MGAT4C: variants seen among roughly 807,000 people sequenced by gnomAD.
The protein encoded by MGAT4C is MGAT4 family member C, also known as alpha-1,3-mannosyl-glycoprotein 4-beta-N-acetylglucosaminyltransferase C.
Under a neutral mutation model 40.1 loss-of-function variants are expected in MGAT4C, and 19 were observed. That is an observed-to-expected ratio of 0.47 (90% CI 0.33 to 0.70). MGAT4C has a LOEUF of 0.70. Ranked by LOEUF, MGAT4C falls within the 30% of genes least tolerant of loss-of-function variation. The pLI, the probability that MGAT4C is intolerant of heterozygous loss-of-function variation, is 0.02. For synonymous variants in MGAT4C, 181 were observed against 187.1 expected (o/e 0.97, Z 0.27); for missense variants, 491 against 563.2 (o/e 0.87, Z 1.30).
In MGAT4C at chr12:85,960,148, A is replaced by G. The variant is rs1883033941; in HGVS notation, c.*19141T>C. 1 of 152,052 alleles carries G rather than the reference A, an allele frequency of 6.6e-6. No homozygotes were observed. Among genetic ancestry groups the G allele is most frequent in the South Asian group, 2.1e-4 (1 of 4,828 alleles). The allele number at this position is 152,052 out of a possible 1,614,324, so 9.4% of individuals were successfully genotyped here. ...TCTATGGTGCCCACATTGTGTCACC[A>G]GCCAGCCGTATGCAGACTTACAAAG... On this transcript the variant is annotated 3_prime_UTR_variant, in exon 5 of 5. Coordinates refer to ENST00000611864, the MANE Select transcript of MGAT4C (RefSeq NM_001351288.2).
intron 1 of MGAT4C, among the ~76,000 whole-genome samples, chr12:86,165,578 A>T (rs951540977): frequency 6.6e-6 from 1 of 152,116 alleles, no homozygotes; most frequent in African/African-American, 2.4e-5. Flanking sequence ...TTCTTTCTTC[A>T]TTATTCTCAA....
At chr12:86,482,697 C>T (rs544437907) in intron 2 of MGAT4C, among the ~76,000 whole-genome samples, 10 of 152,110 alleles carry the variant, frequency 6.6e-5, no homozygotes, top group Middle Eastern at 3.5e-3. Context: ...TTTTCTCTAA[C>T]GTATAAAGTC....
chr12:85,994,617 C>A (rs1160499308), intron 2 of MGAT4C, among the ~76,000 whole-genome samples: 3 of 151,648 alleles, frequency 2.0e-5, no homozygotes, highest in Non-Finnish European at 4.4e-5. Flanking sequence ...AAAAAAATCC[C>A]CCCCCAGCCG....
intron 1 of MGAT4C, among the ~76,000 whole-genome samples, chr12:86,782,076 T>TCCGCTTC (rs1951851682): frequency 6.6e-6 from 1 of 151,664 alleles, no homozygotes; most frequent in Non-Finnish European, 1.5e-5. Flanking sequence ...TACTGCAAGC[T>TCCGCTTC]CCGCTTCCCG....
intron 2 of MGAT4C, among the ~76,000 whole-genome samples, chr12:86,689,835 A>T (rs1267944346): frequency 6.6e-6 from 1 of 152,188 alleles, no homozygotes; most frequent in Non-Finnish European, 1.5e-5. Context: ...AGCAGAGCTC[A>T]ACCACTGTGC....
intron 2 of MGAT4C, among the ~76,000 whole-genome samples, chr12:86,605,397 C>T (rs1258603816): frequency 6.6e-6 from 1 of 151,950 alleles, no homozygotes; most frequent in African/African-American, 2.4e-5. Context: ...GATGAGTAAA[C>T]ATGACCACTG....
intron 3 of MGAT4C, among the ~76,000 whole-genome samples, chr12:86,357,033 T>C (rs1282982987): frequency 2.0e-5 from 3 of 152,138 alleles, no homozygotes; most frequent in East Asian, 3.9e-4. Context: ...CTCAAGTGTG[T>C]CCCTGACCCC....
intron 2 of MGAT4C, among the ~76,000 whole-genome samples, chr12:86,448,245 G>A (rs945628573): frequency 6.6e-6 from 1 of 152,046 alleles, no homozygotes; most frequent in Non-Finnish European, 1.5e-5. Context: ...ACTTTTTATT[G>A]GAATCCTTTC....
chr12:86,342,292 C>A (rs915396024), intron 3 of MGAT4C, among the ~76,000 whole-genome samples: 1 of 152,110 alleles, frequency 6.6e-6, no homozygotes, highest in Non-Finnish European at 1.5e-5. Flanking sequence ...CAGAGTATAA[C>A]GTAGGTGCTT....
chr12:86,640,682 T>C (rs1963354758), intron 2 of MGAT4C, among the ~76,000 whole-genome samples: 1 of 152,036 alleles, frequency 6.6e-6, no homozygotes, highest in East Asian at 1.9e-4. Context: ...CTAGTTCTTT[T>C]AATTGTGATG....
At chr12:86,819,765 G>T (rs1265519167) in intron 1 of MGAT4C, among the ~76,000 whole-genome samples, 1 of 150,576 alleles carries the variant, frequency 6.6e-6, no homozygotes, top group Non-Finnish European at 1.5e-5. Flanking sequence ...TCAACAGTTT[G>T]CTCTAAATCA....
At chr12:86,662,054 C>T (rs991168003) in intron 2 of MGAT4C, among the ~76,000 whole-genome samples, 1 of 152,184 alleles carries the variant, frequency 6.6e-6, no homozygotes, top group African/African-American at 2.4e-5. Flanking sequence ...CCTAATTACA[C>T]TGAAGAATGG....
chr12:86,524,745 C>T (rs1958851747), intron 2 of MGAT4C, among the ~76,000 whole-genome samples: 1 of 152,122 alleles, frequency 6.6e-6, no homozygotes. Context: ...TTCCACATTT[C>T]CCAGAAGTTT....
intron 2 of MGAT4C, among the ~76,000 whole-genome samples, chr12:86,488,702 A>T (rs573045510): frequency 6.6e-6 from 1 of 152,320 alleles, no homozygotes; most frequent in South Asian, 2.1e-4. Context: ...TATTCTTCAC[A>T]ACATTGCACC....
At chr12:86,278,625 TAA>T (rs1953135856) in intron 4 of MGAT4C, among the ~76,000 whole-genome samples, 1 of 152,214 alleles carries the variant, frequency 6.6e-6, no homozygotes, top group African/African-American at 2.4e-5. Flanking sequence ...TTCCAAGATA[TAA>T]GAGCATATCA....
chr12:86,590,114 A>G (rs1961261081), intron 2 of MGAT4C, among the ~76,000 whole-genome samples: 1 of 151,896 alleles, frequency 6.6e-6, no homozygotes, highest in Admixed American at 6.6e-5. Context: ...AAAACAAAAC[A>G]AAACAAAACA....
intron 3 of MGAT4C, among the ~76,000 whole-genome samples, chr12:86,357,874 G>C (rs1446899589): frequency 6.6e-6 from 1 of 152,148 alleles, no homozygotes; most frequent in Non-Finnish European, 1.5e-5. Flanking sequence ...GAAAGTGATG[G>C]GGAGAATGGA....
chr12:86,591,036 A>C (rs2136448314), intron 2 of MGAT4C, among the ~76,000 whole-genome samples: 1 of 152,128 alleles, frequency 6.6e-6, no homozygotes, highest in South Asian at 2.1e-4. Flanking sequence ...CAGAGGTGTC[A>C]GCTGTTTTAT....
At chr12:86,253,053 G>C (rs146413964) in intron 1 of MGAT4C, among the ~76,000 whole-genome samples, 3 of 151,976 alleles carry the variant, frequency 2.0e-5, no homozygotes, top group African/African-American at 7.2e-5. Context: ...AGAACTTAGA[G>C]ACACACAGAA....
Sources: allele counts gnomAD v4.1 joint callset (sites outside exome capture counted in the v4.1 genomes callset), GRCh38; gene constraint gnomAD v4.1.1; transcripts MANE v1.5; gene names NCBI Gene and HGNC (gene_info 2026-07-23, HGNC 2026-07-21).